NKAIN2: variants seen among roughly 807,000 people sequenced by gnomAD.
NKAIN2 encodes sodium/potassium-transporting ATPase subunit beta-1-interacting protein 2.
Under a neutral mutation model 32.6 loss-of-function variants are expected in NKAIN2, and 14 were observed. The observed-to-expected ratio is 0.43, with a 90% confidence interval of 0.28 to 0.67. NKAIN2 has a LOEUF of 0.67. Ranked by LOEUF, NKAIN2 falls within the 30% of genes least tolerant of loss-of-function variation. The probability of loss-of-function intolerance (pLI) is 0.17; values close to 1 mark genes in which losing one functional copy is unlikely to be tolerated. For missense variants in NKAIN2, 198 were observed against 258.3 expected (o/e 0.77, Z 1.60); for synonymous variants, 80 against 87.2 (o/e 0.92, Z 0.46).
intron 1 of NKAIN2, among the ~76,000 whole-genome samples, chr6:124,182,371 T>C (rs897160399): frequency 3.3e-5 from 5 of 152,172 alleles, no homozygotes; most frequent in African/African-American, 4.8e-5. Flanking sequence ...ATTACAAATA[T>C]TTTTAAAAAC....
intron 3 of NKAIN2, among the ~76,000 whole-genome samples, chr6:124,603,523 ACT>A (rs1782383954): frequency 6.6e-6 from 1 of 151,946 alleles, no homozygotes; most frequent in Non-Finnish European, 1.5e-5. Flanking sequence ...CCTTAATTTA[ACT>A]CTTTTTCTTT....
chr6:123,937,666 A>G (rs1237691862), intron 1 of NKAIN2, among the ~76,000 whole-genome samples: 1 of 152,118 alleles, frequency 6.6e-6, no homozygotes. Context: ...GCCATTGACT[A>G]CATAGCTAGG....
intron 2 of NKAIN2, among the ~76,000 whole-genome samples, chr6:124,311,868 T>G (rs1445815016): frequency 6.6e-6 from 1 of 152,120 alleles, no homozygotes. Context: ...TTTCAAAGGT[T>G]AAACGTATGT....
At chr6:123,817,278 A>G (rs1422433199) in intron 1 of NKAIN2, among the ~76,000 whole-genome samples, 3 of 152,170 alleles carry the variant, frequency 2.0e-5, no homozygotes, top group Non-Finnish European at 4.4e-5. Flanking sequence ...GAGGAGCTGC[A>G]TTGTGTATTA....
At chr6:124,555,870 G>A (rs1462582283) in intron 3 of NKAIN2, among the ~76,000 whole-genome samples, 1 of 152,142 alleles carries the variant, frequency 6.6e-6, no homozygotes, top group Non-Finnish European at 1.5e-5. Flanking sequence ...AGACTGAGAA[G>A]GAACTCTTTA....
chr6:123,942,363 T>A (rs943302244), intron 1 of NKAIN2, among the ~76,000 whole-genome samples: 1 of 152,022 alleles, frequency 6.6e-6, no homozygotes, highest in East Asian at 1.9e-4. Context: ...TGCTTATAGT[T>A]GTAGACATTG....
At chr6:124,735,594 C>T (rs977262257) in intron 4 of NKAIN2, among the ~76,000 whole-genome samples, 1 of 151,950 alleles carries the variant, frequency 6.6e-6, no homozygotes, top group African/African-American at 2.4e-5. Flanking sequence ...TGTGGGAACT[C>T]TGAGTGGAGC....
At chr6:124,081,958 T>G (rs1783985126) in intron 1 of NKAIN2, among the ~76,000 whole-genome samples, 1 of 152,090 alleles carries the variant, frequency 6.6e-6, no homozygotes, top group South Asian at 2.1e-4. Flanking sequence ...TTGCAGGTAT[T>G]CAATAGAACA....
chr6:124,456,069 A>G (rs1462845918), intron 3 of NKAIN2, among the ~76,000 whole-genome samples: 5 of 151,824 alleles, frequency 3.3e-5, no homozygotes, highest in African/African-American at 1.2e-4. Context: ...AGGTATACCT[A>G]TACTTGCACA....
intron 1 of NKAIN2, among the ~76,000 whole-genome samples, chr6:124,207,202 G>A (rs1313732818): frequency 6.6e-6 from 1 of 151,582 alleles, no homozygotes; most frequent in Non-Finnish European, 1.5e-5. Flanking sequence ...TGAGGTGGGA[G>A]GATAACTTGA....
chr6:124,102,018 C>T (rs991752442), intron 1 of NKAIN2, among the ~76,000 whole-genome samples: 2 of 152,162 alleles, frequency 1.3e-5, no homozygotes, highest in African/African-American at 4.8e-5. Flanking sequence ...CCAACACTCA[C>T]GCAGGTGGCA....
chr6:124,405,349 A>C (rs1773804281), intron 3 of NKAIN2, among the ~76,000 whole-genome samples: 1 of 151,734 alleles, frequency 6.6e-6, no homozygotes, highest in Non-Finnish European at 1.5e-5. Context: ...TAAGAAGCAC[A>C]AATAATGATG....
At chr6:124,600,114 T>C (rs1297154276) in intron 3 of NKAIN2, among the ~76,000 whole-genome samples, 5 of 152,024 alleles carry the variant, frequency 3.3e-5, no homozygotes, top group African/African-American at 1.2e-4. Context: ...ATCACTTCAG[T>C]GAACCAAGCA....
chr6:124,649,351 C>G (rs920657312), intron 3 of NKAIN2, among the ~76,000 whole-genome samples: 17 of 152,040 alleles, frequency 1.1e-4, no homozygotes, highest in African/African-American at 4.1e-4. Flanking sequence ...AATTCTATAT[C>G]TACAAATTTA....
intron 1 of NKAIN2, among the ~76,000 whole-genome samples, chr6:124,275,172 G>A (rs1794973409): frequency 6.6e-6 from 1 of 152,010 alleles, no homozygotes; most frequent in Admixed American, 6.6e-5. Context: ...AAATGATTCT[G>A]TTATCACAAC....
chr6:123,887,911 T>C (rs1318745529), intron 1 of NKAIN2, among the ~76,000 whole-genome samples: 2 of 152,230 alleles, frequency 1.3e-5, no homozygotes, highest in Admixed American at 6.5e-5. Flanking sequence ...TATTCCTTAC[T>C]AGCTCTGTCA....
chr6:124,190,986 A>G (rs943412120), intron 1 of NKAIN2, among the ~76,000 whole-genome samples: 1 of 152,220 alleles, frequency 6.6e-6, no homozygotes, highest in Non-Finnish European at 1.5e-5. Context: ...AGAGTGGTAC[A>G]TCTACTACAA....
intron 1 of NKAIN2, among the ~76,000 whole-genome samples, chr6:123,910,499 G>GTTTTTTTTTTTTTTTTTTTTTTTTT (rs35165515): frequency 6.1e-5 from 5 of 81,320 alleles, no homozygotes; most frequent in East Asian, 3.7e-4. Flanking sequence ...TGCAATGCAT[G>GTTTTTTTTTTTTTTTTTTTTTTTTT]TTTTTTTTTT....
intron 4 of NKAIN2, chr6:124,658,768 T>G: frequency 3.1e-6 from 1 of 326,034 alleles, no homozygotes; most frequent in South Asian, 9.4e-5. Flanking sequence ...TTTTAGTGCT[T>G]CTTTTGGCTG....
Sources: allele counts gnomAD v4.1 joint callset (sites outside exome capture counted in the v4.1 genomes callset), GRCh38; gene constraint gnomAD v4.1.1; transcripts MANE v1.5; gene names NCBI Gene and HGNC (gene_info 2026-07-23, HGNC 2026-07-21).